The following MYO5B variants were observed in gnomAD, a reference collection of about 807,000 sequenced individuals.
MYO5B encodes myosin VB.
In MYO5B, 143 loss-of-function variants were observed where a neutral mutation model predicts 229.3. That is an observed-to-expected ratio of 0.62 (90% CI 0.54 to 0.72). The LOEUF (loss-of-function observed/expected upper bound fraction) is 0.72. Among genes scored for constraint, MYO5B ranks in the 30% least tolerant of loss-of-function variants. MYO5B has a pLI of 0.00. For synonymous variants in MYO5B, 918 were observed against 885.2 expected, an observed-to-expected ratio of 1.04 and a Z score of -0.66; for missense variants, 2,321 against 2,331.0, an observed-to-expected ratio of 1.00 and a Z score of 0.09.
At chr18:49,984,906 C>T (rs796725336) in intron 7 of MYO5B, 81 bp from the exon 8 acceptor site, 67 of 990,988 alleles carry the variant, frequency 6.8e-5, no homozygotes, top group African/African-American at 6.5e-4. Context: ...AATTCTACTC[C>T]GTTAGCATGC....
intron 14 of MYO5B, among the ~76,000 whole-genome samples, chr18:49,946,652 T>G (rs975239462): frequency 7.8e-6 from 1 of 128,256 alleles, no homozygotes; most frequent in African/African-American, 3.0e-5. Flanking sequence ...GTACCTAAGC[T>G]GGCACTGTGC....
At chr18:49,927,365 A>AG (rs1172089874) in intron 17 of MYO5B, among the ~76,000 whole-genome samples, 1 of 151,940 alleles carries the variant, frequency 6.6e-6, no homozygotes, top group Non-Finnish European at 1.5e-5. Flanking sequence ...GAACTAAAAA[A>AG]AAAAAAATCC....
At chr18:50,039,392 C>A (rs1342194801) in intron 3 of MYO5B, among the ~76,000 whole-genome samples, 1 of 152,050 alleles carries the variant, frequency 6.6e-6, no homozygotes, top group East Asian at 1.9e-4. Flanking sequence ...AGTGCAGTGG[C>A]GCGATCTCGG....
intron 12 of MYO5B, among the ~76,000 whole-genome samples, chr18:49,956,752 AGTCCTC>A (rs1338443859): frequency 6.6e-6 from 1 of 152,194 alleles, no homozygotes; most frequent in Non-Finnish European, 1.5e-5. Context: ...ACCATAGCTC[AGTCCTC>A]GTCTAGGCAG....
rs2024764117 is a variant in MYO5B, at chr18:49,895,162, T to C, written c.2824A>G (p.Lys942Glu). ...RKIDEQNKEF[K>E]TLSEQLSVTT... is the part of the protein sequence containing the mutation. The stretch of plus-strand genomic sequence containing the variant: ...ACGGACAACTGCTCTGAAAGTGTCT[T>C]GAACTCTTTGTTCTGTGGAGAACAT... The change falls in exon 22 of 40, where the codon AAG (lysine) becomes GAG (glutamate). Residue 942 changes from lysine to glutamate, a missense_variant. Lys to Glu is a moderately conservative substitution (Grantham distance 56, BLOSUM62 1). Coordinates refer to ENST00000285039, the MANE Select transcript of MYO5B (RefSeq NM_001080467.3). The C allele has an allele frequency of 6.2e-7, 1 of 1,613,750 alleles. No individual in the cohort carries two copies. Among genetic ancestry groups the C allele is most frequent in the Non-Finnish European group, 8.5e-7 (1 of 1,179,752 alleles).
intron 1 of MYO5B, among the ~76,000 whole-genome samples, chr18:50,136,499 A>T (rs1369784262): frequency 6.6e-6 from 1 of 151,836 alleles, no homozygotes; most frequent in Non-Finnish European, 1.5e-5. Context: ...GCTCTTGCTC[A>T]TTCTTTTTAA....
At chr18:50,110,821 G>GA (rs1165517565) in intron 1 of MYO5B, among the ~76,000 whole-genome samples, 1 of 152,020 alleles carries the variant, frequency 6.6e-6, no homozygotes, top group Non-Finnish European at 1.5e-5. Flanking sequence ...GAGTCTGTTA[G>GA]AAAAATAAAA....
At chr18:50,079,558 A>G (rs1016605141) in intron 1 of MYO5B, among the ~76,000 whole-genome samples, 4 of 152,210 alleles carry the variant, frequency 2.6e-5, no homozygotes, top group Non-Finnish European at 4.4e-5. Context: ...GGGATACAGA[A>G]ATCACATTCC....
intron 1 of MYO5B, among the ~76,000 whole-genome samples, chr18:50,063,455 T>G (rs2030739365): frequency 6.6e-6 from 1 of 152,176 alleles, no homozygotes; most frequent in Admixed American, 6.5e-5. Flanking sequence ...CTCCCTATCT[T>G]GCTGCTGTTT....
At chr18:50,091,594 C>A (rs2031449586) in intron 1 of MYO5B, among the ~76,000 whole-genome samples, 1 of 152,116 alleles carries the variant, frequency 6.6e-6, no homozygotes, top group African/African-American at 2.4e-5. Flanking sequence ...AACTTCAACC[C>A]AAATCTGGCA....
chr18:50,076,436 G>T (rs548079532), intron 1 of MYO5B, among the ~76,000 whole-genome samples: 75 of 152,262 alleles, frequency 4.9e-4, no homozygotes, highest in Middle Eastern at 3.4e-3. Flanking sequence ...GAAAGGCGTG[G>T]CAGGAGGAGG....
intron 12 of MYO5B, among the ~76,000 whole-genome samples, chr18:49,957,757 G>C (rs535569508): frequency 1.5e-3 from 233 of 151,120 alleles, no homozygotes; most frequent in African/African-American, 5.3e-3. Flanking sequence ...GTCTTCCTGG[G>C]CCACTGGCAC....
intron 22 of MYO5B, among the ~76,000 whole-genome samples, chr18:49,891,540 A>T (rs2024714843): frequency 6.6e-6 from 1 of 152,210 alleles, no homozygotes; most frequent in Non-Finnish European, 1.5e-5. Flanking sequence ...TGCTGAATGA[A>T]GGACCATGAG....
intron 1 of MYO5B, among the ~76,000 whole-genome samples, chr18:50,104,163 C>T (rs1317690608): frequency 3.0e-4 from 1 of 3,388 alleles, no homozygotes; most frequent in African/African-American, 5.0e-4. Flanking sequence ...GAGAACTTGT[C>T]TATTAAAAAG....
chr18:50,150,615 T>C (rs567314843), intron 1 of MYO5B, among the ~76,000 whole-genome samples: 8 of 152,126 alleles, frequency 5.3e-5, no homozygotes, highest in African/African-American at 1.9e-4. Context: ...TTCTCATTCA[T>C]AGGTGGGAAT....
intron 14 of MYO5B, among the ~76,000 whole-genome samples, chr18:49,944,393 T>G (rs995144373): frequency 2.6e-5 from 4 of 151,724 alleles, no homozygotes; most frequent in African/African-American, 4.8e-5. Flanking sequence ...GGCTACAGCA[T>G]AAGGAAGAGC....
chr18:49,935,518 T>C (rs2025239749), intron 16 of MYO5B, among the ~76,000 whole-genome samples: 1 of 152,302 alleles, frequency 6.6e-6, no homozygotes, highest in African/African-American at 2.4e-5. Flanking sequence ...CAAAGACCAA[T>C]GAAAGAGGAA....
intron 4 of MYO5B, among the ~76,000 whole-genome samples, chr18:50,029,963 C>T (rs986587924): frequency 2.0e-5 from 3 of 152,166 alleles, no homozygotes; most frequent in Non-Finnish European, 4.4e-5. Context: ...CCCAACCTCC[C>T]CAAACAATGT....
chr18:49,962,540 A>G, intron 11 of MYO5B, 134 bp from the exon 12 acceptor site: 1 of 1,254,004 alleles, frequency 8.0e-7, no homozygotes. Flanking sequence ...GCTAAGTCAT[A>G]GTTATGACTG....
Sources: gnomAD v4.1 joint callset for allele counts (sites outside exome capture counted in the v4.1 genomes callset) on GRCh38, gnomAD v4.1.1 for gene constraint, MANE v1.5 for transcripts, NCBI Gene and HGNC (gene_info 2026-07-23, HGNC 2026-07-21) for gene names.